Variants in TBC1D2 observed in about 807,000 individuals in gnomAD.
TBC1D2 encodes TBC1 domain family member 2A.
In TBC1D2, 58 loss-of-function variants were observed where a neutral mutation model predicts 91.1. That is an observed-to-expected ratio of 0.64 (90% CI 0.52 to 0.79). The LOEUF (loss-of-function observed/expected upper bound fraction) is 0.79. TBC1D2 is among the 30% of genes least tolerant of loss of function. TBC1D2 has a pLI of 0.00. For missense variants in TBC1D2, 1,080 were observed against 1,208.3 expected, an observed-to-expected ratio of 0.89 and a Z score of 1.57; for synonymous variants, 482 against 511.5, an observed-to-expected ratio of 0.94 and a Z score of 0.78.
chr9:98,200,556 C>T (rs943205490), intron 11 of TBC1D2, among the ~76,000 whole-genome samples, 182 bp from the exon 12 acceptor site: 3 of 5,154 alleles, frequency 5.8e-4, no homozygotes, highest in Non-Finnish European at 7.2e-4. Context: ...AATACCCCGG[C>T]GGGGTGGTGG....
chr9:98,202,070 T>TA (rs1347618287), intron 10 of TBC1D2, among the ~76,000 whole-genome samples: 1 of 152,204 alleles, frequency 6.6e-6, no homozygotes, highest in East Asian at 1.9e-4. Flanking sequence ...TCTAGGCTTA[T>TA]ATCAGCTGAC....
intron 5 of TBC1D2, among the ~76,000 whole-genome samples, chr9:98,224,357 A>G (rs1392600960): frequency 1.5e-5 from 2 of 131,740 alleles, no homozygotes; most frequent in Admixed American, 9.2e-5. Context: ...ATCACGGCCC[A>G]CCGCAGCCTC....
intron 9 of TBC1D2, among the ~76,000 whole-genome samples, chr9:98,205,632 T>C (rs1479709739): frequency 6.6e-6 from 1 of 152,180 alleles, no homozygotes. Context: ...CTGCAACCTC[T>C]GCCTCCTTAT....
chr9:98,209,354 C>T (rs1278360719), intron 8 of TBC1D2, among the ~76,000 whole-genome samples: 1 of 152,092 alleles, frequency 6.6e-6, no homozygotes, highest in African/African-American at 2.4e-5. Flanking sequence ...CTCCTAAAGA[C>T]CCAACGAGAT....
intron 11 of TBC1D2, among the ~76,000 whole-genome samples, 179 bp from the exon 12 acceptor site, chr9:98,200,553 C>T (rs576051133): frequency 0.014 from 241 of 17,560 alleles, no homozygotes; most frequent in African/African-American, 0.055. Flanking sequence ...CTGAATACCC[C>T]GGCGGGGTGG....
chr9:98,229,226 C>G, intron 4 of TBC1D2, 78 bp from the exon 5 acceptor site: 1 of 1,375,318 alleles, frequency 7.3e-7, no homozygotes, highest in Non-Finnish European at 1.0e-6. Context: ...TTAGAAGCAC[C>G]TGGAGGGCTT....
intron 3 of TBC1D2, among the ~76,000 whole-genome samples, chr9:98,237,909 CTTTTTT>C (rs200976335): frequency 1.6e-5 from 2 of 124,150 alleles, no homozygotes; most frequent in East Asian, 4.9e-4. Context: ...TCTTTTTTTT[CTTTTTT>C]TTTTTTGAGA....
At chr9:98,224,265 G>C (rs1448073903) in intron 5 of TBC1D2, among the ~76,000 whole-genome samples, 11 of 122,732 alleles carry the variant, frequency 9.0e-5, no homozygotes, top group Non-Finnish European at 1.5e-4. Flanking sequence ...TTTTTGAAGT[G>C]TTTTTTTTTC....
intron 4 of TBC1D2, among the ~76,000 whole-genome samples, chr9:98,230,495 C>T (rs920411689): frequency 7.9e-5 from 12 of 152,162 alleles, no homozygotes; most frequent in Admixed American, 2.0e-4. Context: ...TGTGGTATGG[C>T]ATCCCAGGAT....
chr9:98,220,934 CCTT>C lies in TBC1D2; in HGVS notation c.1270_1272del (p.Lys424del), dbSNP rs757762887. On this transcript the variant is annotated inframe_deletion, in exon 6 of 13. Coordinates refer to ENST00000465784, the MANE Select transcript of TBC1D2 (RefSeq NM_001267571.2). ...GGGGGGTGCGTGAAGTCCTGGGTGA[CCTT>C]CTCAGAGAGCTTGCAGATGACCTGC... is the stretch of plus-strand genomic sequence containing the variant. The C allele has an allele frequency of 3.1e-6, 5 of 1,614,054 alleles. No individual in the cohort carries two copies. In the African/African-American group the frequency reaches 4.0e-5, roughly 13 times the overall value.
chr9:98,215,554 C>A (rs1206017767), intron 6 of TBC1D2, among the ~76,000 whole-genome samples: 1 of 152,202 alleles, frequency 6.6e-6, no homozygotes, highest in Non-Finnish European at 1.5e-5. Context: ...GTCGCCCAAG[C>A]TGGAGTACAG....
intron 2 of TBC1D2, among the ~76,000 whole-genome samples, chr9:98,248,308 A>T (rs1191659391): frequency 6.6e-6 from 1 of 152,268 alleles, no homozygotes; most frequent in Non-Finnish European, 1.5e-5. Context: ...CACTTCCCAC[A>T]GGAGGCAGAA....
chr9:98,246,845 G>A (rs1829773921), intron 2 of TBC1D2, among the ~76,000 whole-genome samples: 4 of 152,058 alleles, frequency 2.6e-5, no homozygotes, highest in African/African-American at 9.7e-5. Flanking sequence ...CTGGGAAGAT[G>A]GGGTGGGGAA....
intron 5 of TBC1D2, among the ~76,000 whole-genome samples, chr9:98,226,522 TTAGA>T (rs149473399): frequency 2.8e-3 from 429 of 152,294 alleles, no homozygotes; most frequent in African/African-American, 1.0e-2. Flanking sequence ...AAACTGAGGC[TTAGA>T]TAGGTTAAGA....
chr9:98,232,342 G>GTT (rs753455224), intron 4 of TBC1D2, among the ~76,000 whole-genome samples: 6 of 86,770 alleles, frequency 6.9e-5, no homozygotes, highest in African/African-American at 1.8e-4. Flanking sequence ...CTCTTTTTCT[G>GTT]TTTTTTTTTT....
At chr9:98,209,751 CTTCCT>C (rs1350774583) in intron 8 of TBC1D2, among the ~76,000 whole-genome samples, 264 of 98,680 alleles carry the variant, frequency 2.7e-3, no homozygotes, top group African/African-American at 7.6e-3. Flanking sequence ...CCTTTCCTTC[CTTCCT>C]TTCCTTCCTT....
In TBC1D2 at chr9:98,255,617, C is replaced by G. The variant is rs564888600; in HGVS notation, c.-76G>C. On this transcript the variant is annotated 5_prime_UTR_variant, in exon 1 of 13. Transcript: ENST00000465784. Reference sequence around the variant, plus strand: ...GGACAAATCTCGGAGACTCGGCGGGCAGCTTCCCAAAGGGAGACACCTGGG... The same window carrying G: ...GGACAAATCTCGGAGACTCGGCGGGGAGCTTCCCAAAGGGAGACACCTGGG... The G allele has an allele frequency of 3.6e-6, 5 of 1,407,880 alleles. No homozygotes were observed. In the South Asian group the frequency reaches 8.2e-5, roughly 23 times the overall value. 87.2% of individuals were successfully genotyped at this position (1,407,880 alleles called of 1,614,324 possible).
chr9:98,212,949 G>A (rs1250329487), intron 7 of TBC1D2, among the ~76,000 whole-genome samples, 159 bp downstream of exon 7: 1 of 152,194 alleles, frequency 6.6e-6, no homozygotes, highest in Non-Finnish European at 1.5e-5. Context: ...CCGACCACAG[G>A]GGTCTGGAGA....
At chr9:98,205,730 T>G (rs1315606597) in intron 9 of TBC1D2, among the ~76,000 whole-genome samples, 3 of 152,160 alleles carry the variant, frequency 2.0e-5, no homozygotes, top group Admixed American at 6.5e-5. Flanking sequence ...TTTCGTTTTT[T>G]TAATTTTTTG....
Sources: allele counts gnomAD v4.1 joint callset (sites outside exome capture counted in the v4.1 genomes callset), GRCh38; gene constraint gnomAD v4.1.1; transcripts MANE v1.5; gene names NCBI Gene and HGNC (gene_info 2026-07-23, HGNC 2026-07-21).